Variants in GLP2R observed in about 807,000 individuals in gnomAD.
GLP2R encodes the protein glucagon like peptide 2 receptor, also known as glucagon-like peptide 2 receptor.
In GLP2R, 59 loss-of-function variants were observed where a neutral mutation model predicts 68.2. The ratio of observed to expected loss-of-function variants is 0.87; its 90% CI spans 0.70 to 1.07. The LOEUF is 1.07. GLP2R is among the 50% of genes least tolerant of loss of function. The pLI, the probability that GLP2R is intolerant of heterozygous loss-of-function variation, is 0.00. For missense variants in GLP2R, 548 were observed against 677.4 expected, an observed-to-expected ratio of 0.81 and a Z score of 2.12; for synonymous variants, 270 against 265.4, an observed-to-expected ratio of 1.02 and a Z score of -0.17.
intron 4 of GLP2R, chr17:9,853,273 C>A: frequency 3.6e-6 from 1 of 281,308 alleles, no homozygotes; most frequent in South Asian, 4.9e-5. Flanking sequence ...TCTGGGGCCT[C>A]CGGGGGCTCA....
chr17:9,869,337 A>T (rs181968923), intron 9 of GLP2R, among the ~76,000 whole-genome samples: 2 of 152,326 alleles, frequency 1.3e-5, no homozygotes, highest in East Asian at 3.9e-4. Flanking sequence ...CTGGCTCTTC[A>T]TTGCTTTCAG....
chr17:9,854,293 G>T (rs532793381), intron 4 of GLP2R, among the ~76,000 whole-genome samples: 1 of 152,368 alleles, frequency 6.6e-6, no homozygotes, highest in East Asian at 1.9e-4. Flanking sequence ...CTCTTCACTT[G>T]TTAAGGCTCC....
intron 1 of GLP2R, 97 bp from the exon 2 acceptor site, chr17:9,833,710 C>T: frequency 1.4e-6 from 1 of 716,426 alleles, no homozygotes; most frequent in Middle Eastern, 2.5e-4. Context: ...CCATTGTGGG[C>T]ACTTCAGTGG....
intron 4 of GLP2R, among the ~76,000 whole-genome samples, chr17:9,850,792 C>T (rs11868712): frequency 0.2 from 30,062 of 150,568 alleles, 4,022 homozygotes; most frequent in African/African-American, 0.35. Flanking sequence ...CTCCAGGGTT[C>T]CAGTGATTCT....
Position 9,877,876 on chromosome 17 carries a change from C to CA in GLP2R, c.1146-2483dup, listed in dbSNP as rs11329707. Among the ~76,000 whole-genome samples, 341 of 100,494 alleles carry CA rather than the reference C, an allele frequency of 3.4e-3. 3 individuals carry two copies. The highest frequency in any genetic ancestry group is 7.5e-3 in the African/African-American group (181 of 24,294). 65.9% of individuals were successfully genotyped at this position (100,494 alleles called of 152,430 possible). On this transcript the variant is annotated intron_variant, in intron 10 of 12. Coordinates refer to ENST00000262441, the MANE Select transcript of GLP2R (RefSeq NM_004246.3). ...TGGGCGACAGAACGAGACTCCGTCT[C>CA]AAAAAAAAAAAAAAAAAAACGTTAG...
At chr17:9,883,360 G>A (rs891215766) in intron 11 of GLP2R, among the ~76,000 whole-genome samples, 22 of 151,748 alleles carry the variant, frequency 1.4e-4, no homozygotes, top group African/African-American at 5.3e-4. Context: ...TCAGAGACCT[G>A]TGGAATGCCA....
chr17:9,834,631 G>A (rs1249907074), intron 2 of GLP2R: 2 of 152,414 alleles, frequency 1.3e-5, no homozygotes, highest in African/African-American at 4.8e-5. Flanking sequence ...AGCCTACTGA[G>A]GACAATCCCC....
chr17:9,841,218 G>C (rs2152033393), intron 3 of GLP2R, among the ~76,000 whole-genome samples: 1 of 151,044 alleles, frequency 6.6e-6, no homozygotes, highest in African/African-American at 2.4e-5. Flanking sequence ...AGTAGAGACA[G>C]GGTTTCACCA....
At chr17:9,876,211 C>A (rs2152046288) in intron 10 of GLP2R, among the ~76,000 whole-genome samples, 1 of 152,290 alleles carries the variant, frequency 6.6e-6, no homozygotes, top group Middle Eastern at 3.4e-3. Flanking sequence ...AACCCCAGTT[C>A]TTTCTGAAAG....
At position 9,842,629 on chromosome 17, in the gene GLP2R, A is replaced by T. The variant is rs2066798310; in HGVS notation, c.504+13A>T. 1 of 1,612,820 alleles carries T rather than the reference A, an allele frequency of 6.2e-7. No individual in the cohort carries two copies. Among genetic ancestry groups the T allele is most frequent in the Non-Finnish European group, 8.5e-7 (1 of 1,179,906 alleles). The stretch of plus-strand genomic sequence containing the variant: ...CTTCAAGCAAAACGTGAGTTTGCTC[A>T]GCTCAGTGAGGAGGCATCCAGGGTC... On this transcript the variant is annotated intron_variant, in intron 4 of 12. Transcript: ENST00000262441.
Position 9,891,619 on chromosome 17 carries a change from T to C in GLP2R, c.*1914T>C, listed in dbSNP as rs1382196082. 6.6e-6 allele frequency: 1 copy of C among 152,194 alleles called. No homozygotes were observed. The highest frequency in any genetic ancestry group is 2.4e-5 in the African/African-American group (1 of 41,454). The allele number at this position is 152,194 out of a possible 1,614,324, so 9.4% of individuals were successfully genotyped here. A position where few individuals can be genotyped will look rare whatever the true frequency, so the allele number is the denominator to read the frequency against. On this transcript the variant is annotated 3_prime_UTR_variant, in exon 13 of 13. Coordinates refer to ENST00000262441, the MANE Select transcript of GLP2R (RefSeq NM_004246.3). ...GCCCCCTTAAATTTTGCACTTGAAA[T>C]GGGATCCCCACTTGTGTCACCCCAT...
Position 9,857,473 on chromosome 17 carries a change from T to C in GLP2R, c.662T>C (p.Phe221Ser). ...ATCCACATGAACTTGTTTGCTTCTTTCATCCTGAGAACCCTGGCTGTACTG... is the reference window on the plus strand; with the variant it reads ...ATCCACATGAACTTGTTTGCTTCTTCCATCCTGAGAACCCTGGCTGTACTG... Reference protein sequence around the residue: ...NYIHMNLFASFILRTLAVLVK... With the variant: ...NYIHMNLFASSILRTLAVLVK... The change falls in exon 6 of 13, where the codon TTC (phenylalanine) becomes TCC (serine). Residue 221 changes from phenylalanine to serine, a missense_variant. Transcript: ENST00000262441. 1 of 1,614,190 alleles carries C rather than the reference T, an allele frequency of 6.2e-7. No homozygotes were observed. Among genetic ancestry groups the C allele is most frequent in the East Asian group, 2.2e-5 (1 of 44,886 alleles).
intron 11 of GLP2R, among the ~76,000 whole-genome samples, chr17:9,885,253 T>A (rs1289480777): frequency 6.6e-6 from 1 of 151,528 alleles, no homozygotes; most frequent in South Asian, 2.1e-4. Context: ...GCAATGGTGT[T>A]ATCTCGGCTC....
intron 1 of GLP2R, among the ~76,000 whole-genome samples, chr17:9,827,219 AT>A (rs1267901049): frequency 2.6e-5 from 4 of 152,028 alleles, no homozygotes; most frequent in Non-Finnish European, 4.4e-5. Context: ...TATAAATATT[AT>A]TTTGTAATCT....
At position 9,826,103 on chromosome 17, in the gene GLP2R, A is replaced by C. The variant is rs1029426043; in HGVS notation, c.40A>C (p.Ser14Arg). The change falls in exon 1 of 13, where the codon AGC (serine) becomes CGC (arginine). Residue 14 changes from serine (S) to arginine (R), a missense_variant. Transcript: ENST00000262441. ...GAGCAGGGCAGGGCCTGGGAGAGGA[A>C]GCGCGGGACTCCTGCCTGGCGTCCA... ...GSSRAGPGRG[S>R]AGLLPGVHEL... 1 of 1,612,860 alleles carries C rather than the reference A, an allele frequency of 6.2e-7. No homozygotes were observed.
chr17:9,859,907 C>A (rs776764466), intron 6 of GLP2R, 35 bp from the exon 7 acceptor site: 5 of 1,527,446 alleles, frequency 3.3e-6, no homozygotes, highest in South Asian at 1.2e-5. Flanking sequence ...TGCAGGGGAG[C>A]CTGGACTCAC....
intron 9 of GLP2R, 46 bp downstream of exon 9, chr17:9,862,136 G>A (rs2066993008): frequency 7.1e-7 from 1 of 1,411,664 alleles, no homozygotes; most frequent in Non-Finnish European, 1.0e-6. Flanking sequence ...CCTAGCAGCT[G>A]TGGGGAATCC....
chr17:9,831,093 C>T (rs776043331), intron 1 of GLP2R, among the ~76,000 whole-genome samples: 4 of 152,174 alleles, frequency 2.6e-5, no homozygotes, highest in African/African-American at 4.8e-5. Flanking sequence ...TTCAAAAAGT[C>T]GGCTGTGTGA....
rs1289368447 is a variant in GLP2R at position 9,861,159 on chromosome 17, G to A, written c.946G>A (p.Val316Ile). 2 of 1,613,604 alleles carry A rather than the reference G, an allele frequency of 1.2e-6. No homozygotes were observed. The highest frequency in any genetic ancestry group is 1.7e-6 in the Non-Finnish European group (2 of 1,179,718). Residue 316 changes from valine to isoleucine, a missense_variant, in exon 8 of 13, where the codon GTA (valine) becomes ATA (isoleucine). Physicochemically the swap from Val to Ile is conservative, Grantham distance 29 (BLOSUM62 3). Coordinates refer to ENST00000262441, the MANE Select transcript of GLP2R (RefSeq NM_004246.3). Reference sequence around the variant, plus strand: ...CCCAGCCTTCCCTGTGCTATTTGTTGTACCCTGGGGTTTCGCCCGTGCACA... The same window carrying A: ...CCCAGCCTTCCCTGTGCTATTTGTTATACCCTGGGGTTTCGCCCGTGCACA... Reference protein sequence around the residue: ...LGWAFPVLFVVPWGFARAHLE... With the variant: ...LGWAFPVLFVIPWGFARAHLE...
Sources: allele counts gnomAD v4.1 joint callset (sites outside exome capture counted in the v4.1 genomes callset), GRCh38; gene constraint gnomAD v4.1.1; transcripts MANE v1.5; gene names NCBI Gene and HGNC (gene_info 2026-07-23, HGNC 2026-07-21).